Variants in FOXK1 observed in about 807,000 individuals in gnomAD.
FOXK1 encodes the protein forkhead box K1.
FOXK1 carries 19 observed loss-of-function variants against 51.9 expected under a neutral mutation model. The observed-to-expected ratio is 0.37, with a 90% CI of 0.26 to 0.54. The LOEUF (loss-of-function observed/expected upper bound fraction) is 0.54, where lower values mean the gene tolerates loss of function less well. FOXK1 is among the 20% of genes least tolerant of loss of function. The pLI, the probability that FOXK1 is intolerant of heterozygous loss-of-function variation, is 0.87. For missense variants in FOXK1, 870 were observed against 1,032.7 expected, an observed-to-expected ratio of 0.84 and a Z score of 2.16; for synonymous variants, 537 against 482.6, an observed-to-expected ratio of 1.11 and a Z score of -1.48.
intron 1 of FOXK1, among the ~76,000 whole-genome samples, chr7:4,739,346 G>T (rs1780598752): frequency 6.6e-6 from 1 of 152,262 alleles, no homozygotes; most frequent in Non-Finnish European, 1.5e-5. Context: ...CCAAACAGCT[G>T]CGCAGGCGGC....
rs576962638 is a variant in FOXK1 at position 4,723,322 on chromosome 7, G to A, written c.561-17516G>A. 1.2e-4 allele frequency among the ~76,000 whole-genome samples: 19 copies of A among 152,180 alleles called. No homozygotes were observed. Among genetic ancestry groups the A allele is most frequent in the Non-Finnish European group, 2.4e-4 (16 of 68,020 alleles). On this transcript the variant is annotated intron_variant, in intron 1 of 8. Coordinates refer to ENST00000328914, the MANE Select transcript of FOXK1 (RefSeq NM_001037165.2). This position sits in a 1 kb window ranked among gnomAD's most constrained non-coding sequence, Gnocchi z 4.7. ...AGTGACAAATATAGCAAAAGAGCTT[G>A]TTGGTAAATACTGCCTGAAAACATT...
At chr7:4,699,297 T>C (rs1207874724) in intron 1 of FOXK1, among the ~76,000 whole-genome samples, 1 of 151,566 alleles carries the variant, frequency 6.6e-6, no homozygotes, top group Admixed American at 6.6e-5. Context: ...TTTTTTTTTT[T>C]TTTTTGAGAC....
At chr7:4,687,437 C>CAT (rs1779835541) in intron 1 of FOXK1, among the ~76,000 whole-genome samples, 2 of 151,816 alleles carry the variant, frequency 1.3e-5, no homozygotes, top group African/African-American at 4.8e-5. Flanking sequence ...GGATTACAGG[C>CAT]GCACGTCACC....
intron 1 of FOXK1, among the ~76,000 whole-genome samples, chr7:4,705,986 A>ATATACGTATATATACGTGTATATACGTG (rs1780090208): frequency 1.9e-5 from 2 of 104,982 alleles, no homozygotes; most frequent in East Asian, 4.1e-4. Flanking sequence ...ATATATACGT[A>ATATACGTATATATACGTGTATATACGTG]TATATACGTA....
rs768555872 is a variant in FOXK1 at position 4,755,216 on chromosome 7, G to A, written c.904-21G>A. 9.3e-6 allele frequency: 15 copies of A among 1,612,200 alleles called. No homozygotes were observed. The highest frequency in any genetic ancestry group is 2.2e-5 in the East Asian group (1 of 44,852). On this transcript the variant is annotated intron_variant, in intron 3 of 8. Transcript: ENST00000328914. The surrounding 1 kb of genome is among the most constrained non-coding windows in gnomAD (Gnocchi z 6.6). ...CAGGGACCTTGCTGGAGCTCATCCC[G>A]TGAGCCGTGTTTCTCCGCAGGATGA...
rs984024581 is a variant in FOXK1, at chr7:4,754,733, C to A, written c.903+118C>A. 4.0e-5 allele frequency: 51 copies of A among 1,285,156 alleles called. No homozygotes were observed. The African/African-American group carries it at 7.2e-4, about 18-fold the overall frequency. The allele number at this position is 1,285,156 out of a possible 1,614,324, so 79.6% of individuals were successfully genotyped here. A position where few individuals can be genotyped will look rare whatever the true frequency, so the allele number is the denominator to read the frequency against. On this transcript the variant is annotated intron_variant, in intron 3 of 8. Transcript: ENST00000328914. ...GGGCGTGTGCTCGAGGTGGTCTCAG[C>A]CCACAGGGAATGGAGCCGCAGCTGG...
intron 1 of FOXK1, among the ~76,000 whole-genome samples, chr7:4,693,357 C>A (rs756063870): frequency 2.0e-5 from 3 of 152,110 alleles, no homozygotes; most frequent in Non-Finnish European, 4.4e-5. Flanking sequence ...AGTGACACAG[C>A]ATATTTTAAA....
At chr7:4,690,656 G>C (rs965945074) in intron 1 of FOXK1, among the ~76,000 whole-genome samples, 1 of 152,230 alleles carries the variant, frequency 6.6e-6, no homozygotes, top group African/African-American at 2.4e-5. Context: ...GAAAGCCTTT[G>C]TCATACTGAT....
chr7:4,706,302 A>G (rs1190730784), intron 1 of FOXK1, among the ~76,000 whole-genome samples: 2 of 151,896 alleles, frequency 1.3e-5, no homozygotes, highest in East Asian at 3.9e-4. Flanking sequence ...TAAATACTTA[A>G]AATAAAATAC....
rs548054426 is a variant in FOXK1 at position 4,693,120 on chromosome 7, G to T, written c.560+10252G>T. 1.4e-4 allele frequency among the ~76,000 whole-genome samples: 22 copies of T among 152,254 alleles called. No individual in the cohort carries two copies. The East Asian group carries it at 4.2e-3, about 29-fold the overall frequency. ...TTTGAATGAGTCCTTTGCCACCCCT[G>T]TGTGATTTTGTAACATCATACATTG... On this transcript the variant is annotated intron_variant, in intron 1 of 8. Transcript: ENST00000328914.
At chr7:4,706,006 A>ATATACACGTATATATACGTG (rs1562373129) in intron 1 of FOXK1, among the ~76,000 whole-genome samples, 5 of 100,228 alleles carry the variant, frequency 5.0e-5, no homozygotes, top group Non-Finnish European at 7.5e-5. Flanking sequence ...ATATATACGT[A>ATATACACGTATATATACGTG]TATATACGTA....
At position 4,709,676 on chromosome 7, in the gene FOXK1, A is replaced by G. The variant is rs113183436; in HGVS notation, c.560+26808A>G. On this transcript the variant is annotated intron_variant, in intron 1 of 8. Transcript: ENST00000328914. The surrounding 1 kb of genome is among the most constrained non-coding windows in gnomAD (Gnocchi z 5.6). ...TTTGCCGCAGTAAAGCGTAATTCAC[A>G]TGATACAAAACGTCAAATTGCGTTT... is the stretch of plus-strand genomic sequence containing the variant. Among the ~76,000 whole-genome samples the G allele has an allele frequency of 1.1e-4, 16 of 152,358 alleles. 2 individuals carry two copies. The highest frequency in any genetic ancestry group is 2.9e-4 in the African/African-American group (12 of 41,594).
chr7:4,724,691 C>A lies in FOXK1; in HGVS notation c.561-16147C>A, dbSNP rs183478444. On this transcript the variant is annotated intron_variant, in intron 1 of 8. Coordinates refer to ENST00000328914, the MANE Select transcript of FOXK1 (RefSeq NM_001037165.2). ...GGCTCAGCAGACAGCCAGGCTGCTT[C>A]CACTGGTCTGTGAAGCTTCTGTCTC... is the stretch of plus-strand genomic sequence containing the variant. Among the ~76,000 whole-genome samples, 505 of 152,364 alleles carry A rather than the reference C, an allele frequency of 3.3e-3. 3 individuals are homozygous for A. Among genetic ancestry groups the A allele is most frequent in the African/African-American group, 0.012 (489 of 41,586 alleles).
intron 1 of FOXK1, among the ~76,000 whole-genome samples, chr7:4,738,747 C>T (rs942033670): frequency 6.6e-6 from 1 of 152,144 alleles, no homozygotes; most frequent in East Asian, 1.9e-4. Flanking sequence ...AAACCTGGTG[C>T]CCACAGGCCT....
At chr7:4,712,332 C>G (rs571880105) in intron 1 of FOXK1, among the ~76,000 whole-genome samples, 15 of 152,208 alleles carry the variant, frequency 9.9e-5, no homozygotes, top group African/African-American at 3.6e-4. Context: ...GTAAAAAGGG[C>G]TGTAAATTGG....
Position 4,754,506 on chromosome 7 carries a change from G to C in FOXK1, c.794G>C (p.Ser265Thr), listed in dbSNP as rs146493126. The change falls in exon 3 of 9, where the codon AGT (serine) becomes ACT (threonine). Residue 265 changes from serine (S) to threonine (T), a missense_variant. By Grantham distance (58) the Ser-to-Thr change is moderately conservative (BLOSUM62 1). Transcript: ENST00000328914. ...PASPRGAGSS[S>T]YRFVQNVTSD... ...AGTCCACGCGGTGCCGGCTCCTCCA[G>C]TTACCGCTTTGTGCAGAACGTGACC... 2.5e-6 allele frequency: 4 copies of C among 1,612,952 alleles called. No individual in the cohort carries two copies. In the African/African-American group the frequency reaches 5.3e-5, roughly 22 times the overall value.
At chr7:4,744,361 G>A (rs1287584062) in intron 2 of FOXK1, among the ~76,000 whole-genome samples, 1 of 152,144 alleles carries the variant, frequency 6.6e-6, no homozygotes, top group Non-Finnish European at 1.5e-5. Context: ...TACCTAAAGG[G>A]TGAACCGCGT....
At chr7:4,688,266 TAAA>T (rs34515938) in intron 1 of FOXK1, among the ~76,000 whole-genome samples, 5 of 135,592 alleles carry the variant, frequency 3.7e-5, no homozygotes, top group Middle Eastern at 3.9e-3. Context: ...TAAGAATTCT[TAAA>T]AAAAAAAAAA....
intron 5 of FOXK1, among the ~76,000 whole-genome samples, chr7:4,757,444 A>G (rs967754100): frequency 2.6e-5 from 4 of 151,966 alleles, no homozygotes; most frequent in Non-Finnish European, 4.4e-5. Context: ...CCTAGCCAAC[A>G]TGGTGAAACC....
Sources: gnomAD v4.1 joint callset for allele counts (sites outside exome capture counted in the v4.1 genomes callset) on GRCh38, gnomAD v4.1.1 for gene constraint, Gnocchi (gnomAD v3.1) non-coding constraint, MANE v1.5 for transcripts, NCBI Gene and HGNC (gene_info 2026-07-23, HGNC 2026-07-21) for gene names.